Variants in TMEM132D observed in about 807,000 individuals in gnomAD.
TMEM132D encodes the protein mature OL transmembrane protein.
Under a neutral mutation model 62.3 loss-of-function variants are expected in TMEM132D, and 21 were observed. The ratio of observed to expected loss-of-function variants is 0.34; its 90% CI spans 0.24 to 0.49. TMEM132D has a LOEUF of 0.49. Among genes scored for constraint, TMEM132D ranks in the 20% least tolerant of loss-of-function variants. The pLI is 0.99. For synonymous variants in TMEM132D, 621 were observed against 575.6 expected (o/e 1.08, Z -1.13); for missense variants, 1,346 against 1,402.8 (o/e 0.96, Z 0.65).
intron 3 of TMEM132D, among the ~76,000 whole-genome samples, chr12:129,422,746 A>AT (rs1872365658): frequency 6.6e-6 from 1 of 152,222 alleles, no homozygotes; most frequent in Non-Finnish European, 1.5e-5. Context: ...ATTTATACTG[A>AT]TAAAAATATC....
chr12:129,722,571 G>T (rs1868877262), intron 1 of TMEM132D, among the ~76,000 whole-genome samples: 1 of 152,116 alleles, frequency 6.6e-6, no homozygotes. Flanking sequence ...TCCCAGTTGT[G>T]TTAGGTGTAA....
At chr12:129,897,155 G>A (rs747712917) in intron 1 of TMEM132D, among the ~76,000 whole-genome samples, 2 of 152,088 alleles carry the variant, frequency 1.3e-5, no homozygotes, top group Non-Finnish European at 2.9e-5. Context: ...AAAATATTCC[G>A]AGTCTTTGGT....
intron 2 of TMEM132D, among the ~76,000 whole-genome samples, chr12:129,669,331 T>C (rs1018323691): frequency 1.3e-5 from 2 of 152,188 alleles, no homozygotes; most frequent in African/African-American, 4.8e-5. Flanking sequence ...TGAGGTTTTT[T>C]CCTGAAGTTC....
chr12:129,749,134 T>A lies in TMEM132D; in HGVS notation c.80-48436A>T, dbSNP rs559036009. Among the ~76,000 whole-genome samples the A allele has an allele frequency of 7.5e-4, 114 of 152,200 alleles. 2 individuals are homozygous for A. Among genetic ancestry groups the A allele is most frequent in the Non-Finnish European group, 1.2e-3 (85 of 68,032 alleles). On this transcript the variant is annotated intron_variant, in intron 1 of 8. Transcript: ENST00000422113. The stretch of plus-strand genomic sequence containing the variant: ...TTGTAACTGGTATCATGGTTATTGA[T>A]TGTATTTCTAAGAATGTTCACACTT...
intron 2 of TMEM132D, among the ~76,000 whole-genome samples, chr12:129,645,717 A>T (rs1879760718): frequency 6.6e-6 from 1 of 152,158 alleles, no homozygotes; most frequent in African/African-American, 2.4e-5. Context: ...CCATTGATAA[A>T]AGAGGATGCA....
At chr12:129,374,659 C>T (rs548012116) in intron 3 of TMEM132D, among the ~76,000 whole-genome samples, 32 of 152,228 alleles carry the variant, frequency 2.1e-4, no homozygotes, top group Non-Finnish European at 4.1e-4. Flanking sequence ...AGAGGCTGCC[C>T]GTGAGTACTT....
At chr12:129,338,684 A>G (rs971144995) in intron 3 of TMEM132D, among the ~76,000 whole-genome samples, 11 of 152,232 alleles carry the variant, frequency 7.2e-5, no homozygotes, top group African/African-American at 2.7e-4. Flanking sequence ...TCAGTGGCCA[A>G]ACAACGTCTA....
chr12:129,268,016 C>A (rs1391279012), intron 4 of TMEM132D, among the ~76,000 whole-genome samples: 1 of 152,144 alleles, frequency 6.6e-6, no homozygotes, highest in Non-Finnish European at 1.5e-5. Context: ...TTCCTTACAC[C>A]TTATACAAAA....
chr12:129,106,713 G>C (rs77421965), intron 5 of TMEM132D, among the ~76,000 whole-genome samples: 1 of 152,192 alleles, frequency 6.6e-6, no homozygotes, highest in South Asian at 2.1e-4. Flanking sequence ...TGGTATGGTC[G>C]TGTGGCGTGC....
At chr12:129,282,742 G>C (rs1881190409) in intron 4 of TMEM132D, among the ~76,000 whole-genome samples, 1 of 152,188 alleles carries the variant, frequency 6.6e-6, no homozygotes. Context: ...CTGAGTTACT[G>C]AGATGACGGT....
At chr12:129,601,058 G>T (rs1282048117) in intron 2 of TMEM132D, among the ~76,000 whole-genome samples, 1 of 152,178 alleles carries the variant, frequency 6.6e-6, no homozygotes, top group African/African-American at 2.4e-5. Flanking sequence ...CATTTACACG[G>T]AAAATCTTTT....
intron 1 of TMEM132D, among the ~76,000 whole-genome samples, chr12:129,808,092 A>T (rs1872052504): frequency 6.6e-6 from 1 of 152,234 alleles, no homozygotes; most frequent in Non-Finnish European, 1.5e-5. Context: ...GGTGATTTAG[A>T]TTCTAAGCTG....
In TMEM132D at chr12:129,515,906, C is replaced by T. The variant is rs114346895; in HGVS notation, c.1115+15153G>A. ...ATGTAAAACCTTGGTTAAATAAATT[C>T]GTTATGCTTTTCTCTTGTTAATCTG... On this transcript the variant is annotated intron_variant, in intron 3 of 8. Transcript: ENST00000422113. Among the ~76,000 whole-genome samples, 951 of 152,262 alleles carry T rather than the reference C, an allele frequency of 6.2e-3. 5 individuals carry two copies. Among genetic ancestry groups the T allele is most frequent in the African/African-American group, 0.021 (888 of 41,548 alleles).
chr12:129,829,061 A>G (rs1872751235), intron 1 of TMEM132D, among the ~76,000 whole-genome samples: 1 of 151,990 alleles, frequency 6.6e-6, no homozygotes, highest in Non-Finnish European at 1.5e-5. Flanking sequence ...ACCAACTTCT[A>G]GACTTCTTTT....
intron 1 of TMEM132D, among the ~76,000 whole-genome samples, chr12:129,722,618 G>A (rs981210812): frequency 3.3e-5 from 5 of 152,126 alleles, no homozygotes; most frequent in Admixed American, 1.3e-4. Flanking sequence ...CTTTCTCAAT[G>A]TCAAACCTGC....
chr12:129,284,510 G>A (rs988599573), intron 4 of TMEM132D, among the ~76,000 whole-genome samples: 1 of 152,212 alleles, frequency 6.6e-6, no homozygotes, highest in African/African-American at 2.4e-5. Flanking sequence ...GGCCTTCAGT[G>A]TAAGATGGAA....
At chr12:129,583,448 CT>C (rs1436196999) in intron 2 of TMEM132D, among the ~76,000 whole-genome samples, 1 of 152,172 alleles carries the variant, frequency 6.6e-6, no homozygotes, top group African/African-American at 2.4e-5. Context: ...TTTGTCAAAA[CT>C]CACAGAACTA....
chr12:129,812,779 A>C (rs1247126556), intron 1 of TMEM132D, among the ~76,000 whole-genome samples: 1 of 151,694 alleles, frequency 6.6e-6, no homozygotes, highest in African/African-American at 2.4e-5. Flanking sequence ...TGTGTGATCC[A>C]ACCAAGATGT....
chr12:129,596,770 GT>G (rs1037186706), intron 2 of TMEM132D, among the ~76,000 whole-genome samples: 142 of 144,978 alleles, frequency 9.8e-4, no homozygotes, highest in East Asian at 2.0e-3. Context: ...TTCGAATGGT[GT>G]TTTTTTTTTT....
Sources: gnomAD v4.1 joint callset for allele counts (sites outside exome capture counted in the v4.1 genomes callset) on GRCh38, gnomAD v4.1.1 for gene constraint, MANE v1.5 for transcripts, NCBI Gene and HGNC (gene_info 2026-07-23, HGNC 2026-07-21) for gene names.